The following ASIC2 variants were observed in gnomAD, a reference collection of about 807,000 sequenced individuals.
ASIC2 encodes acid-sensing ion channel 2.
In ASIC2, 25 loss-of-function variants were observed where a neutral mutation model predicts 57.3. That is an observed-to-expected ratio of 0.44 (90% CI 0.32 to 0.61). The LOEUF (loss-of-function observed/expected upper bound fraction) is 0.61. Ranked by LOEUF, ASIC2 falls within the 20% of genes least tolerant of loss-of-function variation. The pLI is 0.06. For synonymous variants in ASIC2, 319 were observed against 307.5 expected (o/e 1.04, Z -0.39); for missense variants, 641 against 738.1 (o/e 0.87, Z 1.52).
At chr17:33,422,341 C>G (rs2141972369) in intron 1 of ASIC2, among the ~76,000 whole-genome samples, 1 of 152,314 alleles carries the variant, frequency 6.6e-6, no homozygotes, top group South Asian at 2.1e-4. Flanking sequence ...GTAGCAACCC[C>G]CGTCCCCACA....
chr17:34,144,385 TG>T (rs1349790451), intron 1 of ASIC2, among the ~76,000 whole-genome samples: 1 of 152,212 alleles, frequency 6.6e-6, no homozygotes, highest in Non-Finnish European at 1.5e-5. Context: ...GTCCCTGGCT[TG>T]ATCACAGCCT....
rs369752165 is a variant in ASIC2 at position 33,546,168 on chromosome 17, T to C, written c.556-434101A>G. Among the ~76,000 whole-genome samples, 6 of 150,088 alleles carry C rather than the reference T, an allele frequency of 4.0e-5. No homozygotes were observed. The South Asian group carries it at 1.3e-3, about 31-fold the overall frequency. On this transcript the variant is annotated intron_variant, in intron 1 of 9. Transcript: ENST00000359872. ...GTATATGTAAATATATATACATAAG[T>C]ATATGTAAATATATATACATATGTA...
At chr17:33,062,733 C>T (rs538296525) in intron 3 of ASIC2, among the ~76,000 whole-genome samples, 41 of 152,210 alleles carry the variant, frequency 2.7e-4, no homozygotes, top group Middle Eastern at 3.4e-3. Flanking sequence ...CTTTCTGTCT[C>T]GTTGATGTGT....
chr17:33,577,495 G>A (rs570013413), intron 1 of ASIC2, among the ~76,000 whole-genome samples: 1 of 152,188 alleles, frequency 6.6e-6, no homozygotes, highest in East Asian at 1.9e-4. Context: ...CTACCGTATT[G>A]GTTCTCTAGA....
intron 1 of ASIC2, among the ~76,000 whole-genome samples, chr17:33,506,810 C>G (rs759643621): frequency 1.5e-4 from 23 of 152,194 alleles, no homozygotes; most frequent in Non-Finnish European, 8.8e-5. Context: ...TAAAAAAACA[C>G]CTCACCCTGT....
At chr17:33,831,105 TCAAAA>T (rs1479299251) in intron 1 of ASIC2, among the ~76,000 whole-genome samples, 94 of 31,282 alleles carry the variant, frequency 3.0e-3, no homozygotes, top group Middle Eastern at 0.071. Context: ...TAAGGCTCTG[TCAAAA>T]AAAAAAAAAA....
chr17:33,124,902 G>T (rs2092317152), intron 1 of ASIC2, among the ~76,000 whole-genome samples: 1 of 152,180 alleles, frequency 6.6e-6, no homozygotes. Flanking sequence ...AGATCATCAG[G>T]TATTAGATTC....
At chr17:33,067,404 GA>G (rs1426859360) in intron 3 of ASIC2, among the ~76,000 whole-genome samples, 1 of 152,172 alleles carries the variant, frequency 6.6e-6, no homozygotes, top group Non-Finnish European at 1.5e-5. Context: ...TAGCATGGAA[GA>G]AAGTGTTGGA....
At chr17:34,019,917 G>T (rs990537711) in intron 1 of ASIC2, among the ~76,000 whole-genome samples, 2 of 152,132 alleles carry the variant, frequency 1.3e-5, no homozygotes, top group Non-Finnish European at 2.9e-5. Flanking sequence ...TGTCTTCATG[G>T]TCTTTCATCT....
chr17:33,851,207 A>G (rs1475121142), intron 1 of ASIC2, among the ~76,000 whole-genome samples: 1 of 152,164 alleles, frequency 6.6e-6, no homozygotes, highest in Non-Finnish European at 1.5e-5. Flanking sequence ...GTGGTCCCCA[A>G]TTCTCAAGGA....
At chr17:33,493,364 A>T (rs1913819987) in intron 1 of ASIC2, among the ~76,000 whole-genome samples, 1 of 152,082 alleles carries the variant, frequency 6.6e-6, no homozygotes, top group South Asian at 2.1e-4. Flanking sequence ...TAATATGGAG[A>T]CATCTGGGAT....
chr17:33,228,264 A>G (rs776394741), intron 1 of ASIC2, among the ~76,000 whole-genome samples: 2 of 152,236 alleles, frequency 1.3e-5, no homozygotes, highest in Non-Finnish European at 2.9e-5. Context: ...TGGTTGCAGA[A>G]CACTGTGAAT....
rs375423503 is a variant in ASIC2, at chr17:33,231,170, G to A, written c.708+60238C>T. Among the ~76,000 whole-genome samples the A allele has an allele frequency of 6.6e-4, 101 of 152,322 alleles. 1 individual carries two copies. Among genetic ancestry groups the A allele is most frequent in the African/African-American group, 2.3e-3 (95 of 41,568 alleles). Reference sequence around the variant, plus strand: ...GTGTGCTAACTATGCTGCCCAGCATGAGGGGAGAGGTGTGGCACCAGGCAC... The same window carrying A: ...GTGTGCTAACTATGCTGCCCAGCATAAGGGGAGAGGTGTGGCACCAGGCAC... On this transcript the variant is annotated intron_variant, in intron 1 of 9. Transcript: ENST00000225823.
At position 33,044,403 on chromosome 17, in the gene ASIC2, T is replaced by G. The variant is rs148023011; in HGVS notation, c.988-16011A>C. 2.3e-4 allele frequency among the ~76,000 whole-genome samples: 35 copies of G among 152,292 alleles called. No homozygotes were observed. The East Asian group carries it at 6.2e-3, about 27-fold the overall frequency. ...TTTTATTTTTTTTGAGAGTGAGCCT[T>G]GCTCTGTCACCCAGGCTGGAATGCA... On this transcript the variant is annotated intron_variant, in intron 3 of 9. Coordinates refer to ENST00000225823, the MANE Select transcript of ASIC2 (RefSeq NM_183377.2).
intron 1 of ASIC2, among the ~76,000 whole-genome samples, chr17:33,163,175 G>T (rs1905210113): frequency 1.3e-5 from 2 of 152,298 alleles, no homozygotes; most frequent in South Asian, 4.1e-4. Flanking sequence ...CATGGAGAGG[G>T]AATCTGAGTG....
chr17:34,100,423 G>GT (rs1390578395), intron 1 of ASIC2, among the ~76,000 whole-genome samples: 1 of 152,096 alleles, frequency 6.6e-6, no homozygotes, highest in Non-Finnish European at 1.5e-5. Flanking sequence ...CTCCAAAGCA[G>GT]TTGCTATTAA....
intron 1 of ASIC2, among the ~76,000 whole-genome samples, chr17:34,048,042 A>T (rs1908405159): frequency 6.6e-6 from 1 of 152,156 alleles, no homozygotes; most frequent in South Asian, 2.1e-4. Flanking sequence ...CAACAGTTCC[A>T]GTTTTTGATG....
intron 1 of ASIC2, among the ~76,000 whole-genome samples, chr17:33,650,920 A>G (rs1396450548): frequency 2.0e-5 from 3 of 152,226 alleles, no homozygotes; most frequent in African/African-American, 7.2e-5. Flanking sequence ...GACTGTGTCA[A>G]TGCCAATGTC....
intron 1 of ASIC2, chr17:33,692,367 A>G (rs991198382): frequency 2.0e-5 from 3 of 152,134 alleles, no homozygotes; most frequent in Admixed American, 6.5e-5. Context: ...ATCCTAGTTA[A>G]AAAAGCAACT....
Sources: gnomAD v4.1 joint callset for allele counts (sites outside exome capture counted in the v4.1 genomes callset) on GRCh38, gnomAD v4.1.1 for gene constraint, MANE v1.5 for transcripts, NCBI Gene and HGNC (gene_info 2026-07-23, HGNC 2026-07-21) for gene names.